Variants in CLASP1 observed in about 807,000 individuals in gnomAD.
CLASP1 encodes the protein cytoplasmic linker associated protein 1.
A neutral mutation model predicts 192.3 loss-of-function variants in CLASP1; 38 were observed. That is an observed-to-expected ratio of 0.20 (90% CI 0.15 to 0.26). The LOEUF (loss-of-function observed/expected upper bound fraction) is 0.26. CLASP1 is among the 10% of genes least tolerant of loss of function. The pLI is 1.00. For missense variants in CLASP1, 1,433 were observed against 1,932.5 expected (o/e 0.74, Z 4.85); for synonymous variants, 691 against 712.8 (o/e 0.97, Z 0.49).
chr2:121,379,239 C>T (rs1337326390), intron 33 of CLASP1, among the ~76,000 whole-genome samples: 1 of 150,842 alleles, frequency 6.6e-6, no homozygotes, highest in Non-Finnish European at 1.5e-5. Flanking sequence ...AAATTCAACT[C>T]AAAGATTGAC....
chr2:121,634,435 A>C (rs1354346497), intron 1 of CLASP1, among the ~76,000 whole-genome samples: 1 of 152,158 alleles, frequency 6.6e-6, no homozygotes, highest in Admixed American at 6.5e-5. Flanking sequence ...CCCTTTCTGC[A>C]TCACCTCCAG....
At chr2:121,624,922 T>C (rs568641018) in intron 1 of CLASP1, among the ~76,000 whole-genome samples, 4 of 152,378 alleles carry the variant, frequency 2.6e-5, no homozygotes, top group South Asian at 2.1e-4. Flanking sequence ...CTTTGAATCA[T>C]TGGTGATTTC....
rs13386371 is a variant in CLASP1 at position 121,533,965 on chromosome 2, G to A, written c.196-3640C>T. 4.7e-3 allele frequency among the ~76,000 whole-genome samples: 721 copies of A among 152,332 alleles called. 5 individuals are homozygous for A. The highest frequency in any genetic ancestry group is 0.016 in the African/African-American group (661 of 41,560). On this transcript the variant is annotated intron_variant, in intron 2 of 39. Coordinates refer to ENST00000263710, the Ensembl canonical transcript of CLASP1. The stretch of plus-strand genomic sequence containing the variant: ...TTAAAAGACTCTTTTGTAAAAGAGA[G>A]AAGAGGGCTGACCAGGTCACTGGGA...
rs564210487 is a variant in CLASP1 at position 121,341,045 on chromosome 2, G to T, written c.4531-98C>A. The T allele has an allele frequency of 1.3e-5, 10 of 781,336 alleles. No individual in the cohort carries two copies. In the East Asian group the frequency reaches 1.9e-4, roughly 15 times the overall value. 48.4% of individuals were successfully genotyped at this position (781,336 alleles called of 1,614,324 possible). On this transcript the variant is annotated intron_variant, in intron 39 of 39. Transcript: ENST00000263710. ...CCAGGTGACAGTAAGGAAACAGCAA[G>T]TCCCTTAGTTCCCTTGGTTGAGGAA... is the stretch of plus-strand genomic sequence containing the variant.
intron 19 of CLASP1, among the ~76,000 whole-genome samples, chr2:121,434,618 C>A (rs1443453675): frequency 6.6e-6 from 1 of 152,160 alleles, no homozygotes; most frequent in East Asian, 1.9e-4. Flanking sequence ...ATTTATTATT[C>A]TTAACAGTTA....
chr2:121,498,494 A>T (rs187511787), intron 8 of CLASP1, among the ~76,000 whole-genome samples: 1 of 152,310 alleles, frequency 6.6e-6, no homozygotes, highest in Non-Finnish European at 1.5e-5. Flanking sequence ...GGTGTGAGCC[A>T]CTGCACCTGG....
At chr2:121,403,139 A>T (rs1028314050) in intron 26 of CLASP1, among the ~76,000 whole-genome samples, 20 of 152,100 alleles carry the variant, frequency 1.3e-4, no homozygotes, top group African/African-American at 4.1e-4. Flanking sequence ...GTGGATTTTT[A>T]TTAATATTGT....
At chr2:121,625,815 G>T (rs2068234994) in intron 1 of CLASP1, among the ~76,000 whole-genome samples, 2 of 151,802 alleles carry the variant, frequency 1.3e-5, no homozygotes, top group African/African-American at 4.8e-5. Context: ...GAACAGGCTG[G>T]GCACAGTGGC....
chr2:121,415,652 T>C (rs924828870), intron 23 of CLASP1, among the ~76,000 whole-genome samples: 3 of 152,172 alleles, frequency 2.0e-5, no homozygotes, highest in Non-Finnish European at 4.4e-5. Flanking sequence ...CAAAAGATAA[T>C]ATGCTTCCAT....
At chr2:121,487,419 C>G (rs1324928572) in intron 8 of CLASP1, among the ~76,000 whole-genome samples, 1 of 152,098 alleles carries the variant, frequency 6.6e-6, no homozygotes, top group Non-Finnish European at 1.5e-5. Flanking sequence ...CAACTGTTAC[C>G]TTTAACTATT....
chr2:121,555,822 C>T (rs1412700822), intron 2 of CLASP1, among the ~76,000 whole-genome samples: 3 of 151,960 alleles, frequency 2.0e-5, no homozygotes, highest in African/African-American at 7.3e-5. Context: ...GCTAGGATTA[C>T]AGGCATGTGC....
intron 5 of CLASP1, among the ~76,000 whole-genome samples, chr2:121,527,160 C>T (rs941040074): frequency 6.6e-6 from 1 of 152,162 alleles, no homozygotes; most frequent in Non-Finnish European, 1.5e-5. Flanking sequence ...GAGATGGAAA[C>T]TTATGTTCAT....
intron 7 of CLASP1, among the ~76,000 whole-genome samples, chr2:121,508,480 A>G (rs2094010995): frequency 6.6e-6 from 1 of 152,238 alleles, no homozygotes; most frequent in African/African-American, 2.4e-5. Flanking sequence ...CATAAATAGC[A>G]CACCTGCAGA....
chr2:121,490,763 C>T (rs2150146091), intron 8 of CLASP1, among the ~76,000 whole-genome samples: 1 of 152,304 alleles, frequency 6.6e-6, no homozygotes, highest in South Asian at 2.1e-4. Context: ...ACACATATGC[C>T]AGCCTTGTAA....
chr2:121,524,726 G>A (rs1181512197), intron 6 of CLASP1, among the ~76,000 whole-genome samples: 1 of 152,114 alleles, frequency 6.6e-6, no homozygotes, highest in Non-Finnish European at 1.5e-5. Context: ...TAAAGTGCTG[G>A]GATTACTGGC....
chr2:121,639,635 A>C (rs994023386), intron 1 of CLASP1, among the ~76,000 whole-genome samples: 5 of 152,118 alleles, frequency 3.3e-5, no homozygotes, highest in Admixed American at 6.6e-5. Context: ...GGAACAAGGC[A>C]GGCAGATCAC....
intron 11 of CLASP1, among the ~76,000 whole-genome samples, chr2:121,460,607 C>T (rs879618251): frequency 1.1e-4 from 16 of 152,108 alleles, no homozygotes; most frequent in Admixed American, 4.6e-4. Flanking sequence ...GGCAATTGTA[C>T]CACTTCTCTT....
chr2:121,530,512 A>G lies in CLASP1; in HGVS notation c.196-187T>C, dbSNP rs115534784. On this transcript the variant is annotated intron_variant, in intron 2 of 39. Coordinates refer to ENST00000263710, the Ensembl canonical transcript of CLASP1. Reference sequence around the variant, plus strand: ...ATCTTCCACAAAAAGAGCTATGTACAGCTATAATGGAAAATACTCGGTGAG... The same window carrying G: ...ATCTTCCACAAAAAGAGCTATGTACGGCTATAATGGAAAATACTCGGTGAG... 2.3e-3 allele frequency: 1,341 copies of G among 581,462 alleles called. 10 individuals carry two copies. Among genetic ancestry groups the G allele is most frequent in the African/African-American group, 0.023 (1,224 of 53,642 alleles). The allele number at this position is 581,462 out of a possible 1,614,324, so 36.0% of individuals were successfully genotyped here.
At chr2:121,477,604 T>TA (rs2091792883) in intron 8 of CLASP1, among the ~76,000 whole-genome samples, 1 of 152,226 alleles carries the variant, frequency 6.6e-6, no homozygotes, top group African/African-American at 2.4e-5. Flanking sequence ...CACACATGCA[T>TA]AAAAACTGCT....
Sources: gnomAD v4.1 joint callset for allele counts (sites outside exome capture counted in the v4.1 genomes callset) on GRCh38, gnomAD v4.1.1 for gene constraint, MANE v1.5 for transcripts, NCBI Gene and HGNC (gene_info 2026-07-23, HGNC 2026-07-21) for gene names.